The following CCND3 variants were observed in gnomAD, a reference collection of about 807,000 sequenced individuals.
CCND3 encodes cyclin D3, also known as G1/S-specific cyclin-D3.
In CCND3, 9 loss-of-function variants were observed where a neutral mutation model predicts 28.7. That is an observed-to-expected ratio of 0.31 (90% CI 0.19 to 0.55). CCND3 has a LOEUF of 0.55. Ranked by LOEUF, CCND3 falls within the 20% of genes least tolerant of loss-of-function variation. CCND3 has a pLI of 0.93. For missense variants in CCND3, 315 were observed against 385.8 expected (o/e 0.82, Z 1.54); for synonymous variants, 164 against 163.9 (o/e 1.00, Z 0.00).
intron 1 of CCND3, among the ~76,000 whole-genome samples, chr6:41,950,514 T>C (rs145569782): frequency 3.9e-4 from 59 of 152,220 alleles, no homozygotes; most frequent in African/African-American, 1.4e-3. Context: ...CAACTCCTAT[T>C]TCATATGGTG....
intron 1 of CCND3, among the ~76,000 whole-genome samples, chr6:42,022,761 G>A (rs181501209): frequency 5.4e-4 from 82 of 152,294 alleles, no homozygotes; most frequent in African/African-American, 1.8e-3. Context: ...GGGAAGTAGC[G>A]TAAGGGGAAA....
chr6:42,048,290 G>A lies in CCND3; in HGVS notation c.-46+211C>T, dbSNP rs1043735245. On this transcript the variant is annotated intron_variant, in intron 1 of 4. Coordinates refer to the CCND3 transcript ENST00000372988. This position sits in a 1 kb window ranked among gnomAD's most constrained non-coding sequence, Gnocchi z 4.7. ...GGTTGTGCCGATGTGTGTACATACAGAGGGCTCAGGGCCTTTGGGGGTTTC... is the reference window on the plus strand; with the variant it reads ...GGTTGTGCCGATGTGTGTACATACAAAGGGCTCAGGGCCTTTGGGGGTTTC... The A allele has an allele frequency of 6.4e-6, 2 of 310,454 alleles. No individual in the cohort carries two copies. The highest frequency in any genetic ancestry group is 1.3e-5 in the Non-Finnish European group (2 of 158,362). The allele number at this position is 310,454 out of a possible 1,614,324, so 19.2% of individuals were successfully genotyped here.
chr6:42,025,035 G>T (rs570475955), intron 1 of CCND3, among the ~76,000 whole-genome samples: 2 of 152,188 alleles, frequency 1.3e-5, no homozygotes, highest in Non-Finnish European at 2.9e-5. Flanking sequence ...TCCAGCTTGG[G>T]TGACAAAGTG....
At chr6:41,943,258 C>CA (rs1776089297), upstream of CCND3, among the ~76,000 whole-genome samples, 1 of 151,824 alleles carries the variant, frequency 6.6e-6, no homozygotes, top group South Asian at 2.1e-4. Context: ...AAATAAGCCA[C>CA]AAAAAAAGGA....
chr6:42,011,406 C>T (rs760272464), intron 1 of CCND3, among the ~76,000 whole-genome samples: 1 of 152,144 alleles, frequency 6.6e-6, no homozygotes, highest in Non-Finnish European at 1.5e-5. Context: ...ATTATAGGCA[C>T]GAGCCACCAA....
chr6:42,022,697 C>T (rs1258702492), intron 1 of CCND3, among the ~76,000 whole-genome samples: 2 of 152,224 alleles, frequency 1.3e-5, no homozygotes, highest in East Asian at 3.8e-4. Context: ...TGTCATCCCG[C>T]CTTCCTTTAC....
intron 1 of CCND3, among the ~76,000 whole-genome samples, chr6:42,027,857 C>T (rs1763927639): frequency 1.3e-5 from 2 of 152,236 alleles, no homozygotes; most frequent in South Asian, 2.1e-4. Context: ...AAGCAATTCT[C>T]CTGCCTCAGC....
At chr6:41,959,919 G>C (rs1355868385) in intron 1 of CCND3, among the ~76,000 whole-genome samples, 1 of 147,592 alleles carries the variant, frequency 6.8e-6, no homozygotes, top group South Asian at 2.1e-4. Flanking sequence ...TCGCGACACT[G>C]CACTCCAACC....
chr6:41,988,273 T>C (rs1290576185), intron 1 of CCND3, among the ~76,000 whole-genome samples: 1 of 152,064 alleles, frequency 6.6e-6, no homozygotes, highest in African/African-American at 2.4e-5. Flanking sequence ...GCCATTGCAC[T>C]CCAGCCTGGG....
At chr6:42,006,250 A>G (rs1240897353) in intron 1 of CCND3, among the ~76,000 whole-genome samples, 1 of 151,866 alleles carries the variant, frequency 6.6e-6, no homozygotes, top group Non-Finnish European at 1.5e-5. Flanking sequence ...ATCTCAATAG[A>G]TGTAGAAAAA....
chr6:42,006,958 T>G (rs1763195055), intron 1 of CCND3, among the ~76,000 whole-genome samples: 1 of 151,786 alleles, frequency 6.6e-6, no homozygotes, highest in Non-Finnish European at 1.5e-5. Context: ...TGAACACAAT[T>G]CATAGTATCT....
At chr6:41,947,860 A>C (rs1292382753) in intron 1 of CCND3, among the ~76,000 whole-genome samples, 3 of 152,058 alleles carry the variant, frequency 2.0e-5, no homozygotes, top group Non-Finnish European at 4.4e-5. Context: ...CCTCCAGTCT[A>C]GTCTCAACCC....
At chr6:41,958,390 A>G (rs1776491938) in intron 1 of CCND3, among the ~76,000 whole-genome samples, 1 of 152,156 alleles carries the variant, frequency 6.6e-6, no homozygotes, top group African/African-American at 2.4e-5. Context: ...ACTTCCCCCA[A>G]ACTCGAAAAC....
upstream of CCND3, among the ~76,000 whole-genome samples, chr6:41,946,082 C>T (rs186747344): frequency 6.6e-6 from 1 of 152,232 alleles, no homozygotes; most frequent in African/African-American, 2.4e-5. Context: ...GGCCTGGAGC[C>T]ACACCCCTCT....
At chr6:42,035,468 C>T (rs563551750) in intron 1 of CCND3, among the ~76,000 whole-genome samples, 31 of 149,712 alleles carry the variant, frequency 2.1e-4, no homozygotes, top group East Asian at 1.6e-3. Context: ...CCTGGGTTCA[C>T]GCCATTCTCC....
intron 1 of CCND3, among the ~76,000 whole-genome samples, chr6:42,040,682 T>G (rs1764344119): frequency 6.6e-6 from 1 of 151,894 alleles, no homozygotes; most frequent in Non-Finnish European, 1.5e-5. Context: ...TGAAACCCAG[T>G]CTCTACTGAA....
intron 1 of CCND3, among the ~76,000 whole-genome samples, chr6:42,013,770 C>G (rs1763406912): frequency 6.6e-6 from 1 of 152,212 alleles, no homozygotes; most frequent in Non-Finnish European, 1.5e-5. Flanking sequence ...AGCGCCAAGC[C>G]ATTCATTCAA....
chr6:41,941,651 C>A lies in CCND3; in HGVS notation c.-2G>T. The A allele has an allele frequency of 1.4e-6, 2 of 1,439,058 alleles. No homozygotes were observed. The highest frequency in any genetic ancestry group is 1.8e-6 in the Non-Finnish European group (2 of 1,096,108). The allele number at this position is 1,439,058 out of a possible 1,614,324, so 89.1% of individuals were successfully genotyped here. On this transcript the variant is annotated 5_prime_UTR_variant, in exon 1 of 5. Coordinates refer to ENST00000372991, the MANE Select transcript of CCND3 (RefSeq NM_001760.5). This position sits in a 1 kb window ranked among gnomAD's most constrained non-coding sequence, Gnocchi z 6.1. ...GCCTTCGCAACACAGCAGCTCCATACTCGGGCAGCGAACAGGCAGGGCGGG... is the reference window on the plus strand; with the variant it reads ...GCCTTCGCAACACAGCAGCTCCATAATCGGGCAGCGAACAGGCAGGGCGGG...
upstream of CCND3, among the ~76,000 whole-genome samples, chr6:41,946,019 A>C (rs746856548): frequency 5.9e-5 from 9 of 152,176 alleles, no homozygotes; most frequent in Non-Finnish European, 1.3e-4. Flanking sequence ...AATCCTGAAG[A>C]CCTGGCTTCT....
Sources: gnomAD v4.1 joint callset for allele counts (sites outside exome capture counted in the v4.1 genomes callset) on GRCh38, gnomAD v4.1.1 for gene constraint, Gnocchi (gnomAD v3.1) non-coding constraint, MANE v1.5 for transcripts, NCBI Gene and HGNC (gene_info 2026-07-23, HGNC 2026-07-21) for gene names.